The following SHISA6 variants were observed in gnomAD, a reference collection of about 807,000 sequenced individuals.
The protein encoded by SHISA6 is protein shisa-6.
Under a neutral mutation model 47.9 loss-of-function variants are expected in SHISA6, and 22 were observed. The ratio of observed to expected loss-of-function variants is 0.46; its 90% CI spans 0.33 to 0.66. The LOEUF is 0.66. Ranked by LOEUF, SHISA6 falls within the 30% of genes least tolerant of loss-of-function variation. The probability of loss-of-function intolerance (pLI) is 0.02; values close to 1 mark genes in which losing one functional copy is unlikely to be tolerated. For synonymous variants in SHISA6, 388 were observed against 337.8 expected, an observed-to-expected ratio of 1.15 and a Z score of -1.63; for missense variants, 680 against 764.6, an observed-to-expected ratio of 0.89 and a Z score of 1.30.
chr17:11,438,723 T>C (rs1481600010), intron 3 of SHISA6, among the ~76,000 whole-genome samples: 1 of 152,232 alleles, frequency 6.6e-6, no homozygotes, highest in Non-Finnish European at 1.5e-5. Context: ...TGAGGGGGCA[T>C]AATTCAGTCC....
chr17:11,481,682 A>G (rs1189397011), intron 3 of SHISA6, among the ~76,000 whole-genome samples: 1 of 151,796 alleles, frequency 6.6e-6, no homozygotes, highest in East Asian at 2.0e-4. Flanking sequence ...TAGTAGACAC[A>G]GGGTTTCACC....
chr17:11,481,366 G>GTATATATATATATATATATA (rs768989352), intron 3 of SHISA6, among the ~76,000 whole-genome samples: 1 of 110,276 alleles, frequency 9.1e-6, no homozygotes, highest in African/African-American at 3.3e-5. Context: ...GTGTGTGTGT[G>GTATATATATATATATATATA]TATATATATA....
In SHISA6 at chr17:11,538,448, G is replaced by C. The variant is rs554023141; in HGVS notation, c.896-13448G>C. Among the ~76,000 whole-genome samples, 30 of 152,274 alleles carry C rather than the reference G, an allele frequency of 2.0e-4. No individual in the cohort carries two copies. The South Asian group carries it at 6.2e-3, about 32-fold the overall frequency. On this transcript the variant is annotated intron_variant, in intron 3 of 5. Transcript: ENST00000441885. ...CAAAGTGGAAGATGTTCTTCCCAAG[G>C]CAAGCACCGAGGAATAGGGGTTTTG...
At chr17:11,325,589 A>T (rs1032095151) in intron 2 of SHISA6, among the ~76,000 whole-genome samples, 20 of 152,148 alleles carry the variant, frequency 1.3e-4, no homozygotes, top group South Asian at 4.2e-4. Context: ...TTTCTCATTT[A>T]AAAAAAAGAC....
intron 1 of SHISA6, 130 bp from the exon 2 acceptor site, chr17:11,263,236 G>A (rs547555104): frequency 2.2e-5 from 21 of 955,002 alleles, no homozygotes; most frequent in Admixed American, 1.6e-4. Context: ...TGACTATTGA[G>A]AGCTGAATGC....
At chr17:11,449,740 C>T (rs1915332884) in intron 3 of SHISA6, among the ~76,000 whole-genome samples, 1 of 152,204 alleles carries the variant, frequency 6.6e-6, no homozygotes, top group African/African-American at 2.4e-5. Flanking sequence ...CACCTGGTTC[C>T]TTCTGAGGGC....
intron 3 of SHISA6, among the ~76,000 whole-genome samples, chr17:11,526,856 T>C (rs1278171951): frequency 1.4e-5 from 1 of 73,096 alleles, no homozygotes; most frequent in Non-Finnish European, 2.8e-5. Context: ...ATGTGATATC[T>C]TGATGCCTCA....
At chr17:11,502,956 T>G (rs2071467976) in intron 3 of SHISA6, among the ~76,000 whole-genome samples, 2 of 152,184 alleles carry the variant, frequency 1.3e-5, no homozygotes, top group South Asian at 4.1e-4. Flanking sequence ...GTCGGGTCTT[T>G]GGAGATTACT....
intron 1 of SHISA6, among the ~76,000 whole-genome samples, chr17:11,259,926 G>T (rs575596181): frequency 1.8e-4 from 28 of 152,338 alleles, no homozygotes; most frequent in African/African-American, 6.0e-4. Flanking sequence ...ATATGTGTTA[G>T]TACTGGAATT....
chr17:11,328,743 T>C (rs944691333), intron 2 of SHISA6, among the ~76,000 whole-genome samples: 3 of 151,670 alleles, frequency 2.0e-5, no homozygotes, highest in Non-Finnish European at 2.9e-5. Context: ...AAGTATGAAG[T>C]AGGTCAGGCA....
At chr17:11,405,981 A>T (rs1401469099) in intron 3 of SHISA6, among the ~76,000 whole-genome samples, 1 of 152,158 alleles carries the variant, frequency 6.6e-6, no homozygotes, top group African/African-American at 2.4e-5. Context: ...AGACAGCTAG[A>T]CAGTACATAT....
chr17:11,270,519 G>T (rs1344551182), intron 2 of SHISA6, among the ~76,000 whole-genome samples: 7 of 152,144 alleles, frequency 4.6e-5, no homozygotes, highest in Non-Finnish European at 8.8e-5. Context: ...TTAAATAGGA[G>T]TTGGCAAACG....
Position 11,476,160 on chromosome 17 carries a change from T to C in SHISA6, c.896-75736T>C, listed in dbSNP as rs1379108386. ...CTCTTTACTTTCTAGTATTAGTGAT[T>C]TGTGCTGTCCCTTTTTTTTCTTAGT... On this transcript the variant is annotated intron_variant, in intron 3 of 5. Transcript: ENST00000441885. Among the ~76,000 whole-genome samples the C allele has an allele frequency of 5.3e-5, 8 of 152,182 alleles. No homozygotes were observed. In the East Asian group the frequency reaches 1.5e-3, roughly 29 times the overall value.
At chr17:11,366,852 G>A (rs1047822477) in intron 2 of SHISA6, among the ~76,000 whole-genome samples, 1 of 152,148 alleles carries the variant, frequency 6.6e-6, no homozygotes, top group Non-Finnish European at 1.5e-5. Context: ...CCATTGTCAT[G>A]GGTTAAATTT....
intron 3 of SHISA6, among the ~76,000 whole-genome samples, chr17:11,543,552 C>G (rs1478234752): frequency 6.6e-6 from 1 of 152,066 alleles, no homozygotes; most frequent in African/African-American, 2.4e-5. Context: ...TGTACAGATT[C>G]AATGTAATTC....
At chr17:11,333,404 C>A (rs1341311749) in intron 2 of SHISA6, among the ~76,000 whole-genome samples, 1 of 152,162 alleles carries the variant, frequency 6.6e-6, no homozygotes, top group African/African-American at 2.4e-5. Flanking sequence ...GGAACTTTTA[C>A]CACCCCCTGC....
intron 3 of SHISA6, among the ~76,000 whole-genome samples, chr17:11,512,702 T>C (rs1177978048): frequency 1.3e-5 from 2 of 152,178 alleles, no homozygotes; most frequent in African/African-American, 4.8e-5. Flanking sequence ...TAACCATTTA[T>C]TATATATCCT....
At chr17:11,362,711 T>A (rs892645831) in intron 2 of SHISA6, among the ~76,000 whole-genome samples, 6 of 152,204 alleles carry the variant, frequency 3.9e-5, no homozygotes, top group African/African-American at 1.4e-4. Flanking sequence ...TAAGACTGTT[T>A]TAAGTGTTCA....
chr17:11,392,569 G>A (rs967009781), intron 3 of SHISA6, among the ~76,000 whole-genome samples: 32 of 152,116 alleles, frequency 2.1e-4, no homozygotes, highest in African/African-American at 5.8e-4. Flanking sequence ...GCTTTGCTTT[G>A]TCATGAATGG....
Sources: gnomAD v4.1 joint callset for allele counts (sites outside exome capture counted in the v4.1 genomes callset) on GRCh38, gnomAD v4.1.1 for gene constraint, MANE v1.5 for transcripts, NCBI Gene and HGNC (gene_info 2026-07-23, HGNC 2026-07-21) for gene names.